Variants in SGMS1 observed in about 807,000 individuals in gnomAD.
The protein encoded by SGMS1 is sphingomyelin synthase 1, also known as phosphatidylcholine:ceramide cholinephosphotransferase 1.
A neutral mutation model predicts 46.2 loss-of-function variants in SGMS1; 13 were observed. The observed-to-expected ratio is 0.28, with a 90% confidence interval of 0.18 to 0.45. SGMS1 has a LOEUF of 0.45. Among genes scored for constraint, SGMS1 ranks in the 20% least tolerant of loss-of-function variants. The pLI is 1.00. For missense variants in SGMS1, 324 were observed against 519.9 expected (o/e 0.62, Z 3.66); for synonymous variants, 203 against 187.8 (o/e 1.08, Z -0.66).
At chr10:50,559,333 C>T (rs1284092039) in intron 2 of SGMS1, among the ~76,000 whole-genome samples, 1 of 152,174 alleles carries the variant, frequency 6.6e-6, no homozygotes. Flanking sequence ...CAGAGGCGTA[C>T]CCTACACTGT....
rs75889601 is a variant in SGMS1 at position 50,458,733 on chromosome 10, G to T, written c.-313+1940C>A. Among the ~76,000 whole-genome samples the T allele has an allele frequency of 7.2e-3, 1,091 of 152,136 alleles. 14 individuals carry two copies. Among genetic ancestry groups the T allele is most frequent in the Non-Finnish European group, 7.9e-3 (535 of 68,000 alleles). On this transcript the variant is annotated intron_variant, in intron 5 of 10. Coordinates refer to ENST00000361781, the MANE Select transcript of SGMS1 (RefSeq NM_147156.4). ...AACCTCAGTGTATTCATCTTTCAGTGAGGTTGACCACATCTATCTCTCAGG... is the reference window on the plus strand; with the variant it reads ...AACCTCAGTGTATTCATCTTTCAGTTAGGTTGACCACATCTATCTCTCAGG...
intron 6 of SGMS1, among the ~76,000 whole-genome samples, chr10:50,347,546 G>C (rs1847935173): frequency 6.6e-6 from 1 of 152,184 alleles, no homozygotes; most frequent in Non-Finnish European, 1.5e-5. Context: ...CTTGGCCTCA[G>C]ACCCAAGGCC....
In SGMS1 at chr10:50,511,368, T is replaced by C. The variant is rs1837753785; in HGVS notation, c.-498+8463A>G. Among the ~76,000 whole-genome samples, 4 of 151,980 alleles carry C rather than the reference T, an allele frequency of 2.6e-5. No individual in the cohort carries two copies. In the South Asian group the frequency reaches 8.3e-4, roughly 32 times the overall value. On this transcript the variant is annotated intron_variant, in intron 3 of 10. Transcript: ENST00000361781. ...CTGGTTAAGACAGTGAGGAAGGTCCTTGTAAGCAAGCCCCATCCTCAGACT... is the reference window on the plus strand; with the variant it reads ...CTGGTTAAGACAGTGAGGAAGGTCCCTGTAAGCAAGCCCCATCCTCAGACT...
intron 6 of SGMS1, among the ~76,000 whole-genome samples, chr10:50,388,824 G>T (rs1376756885): frequency 6.6e-6 from 1 of 152,056 alleles, no homozygotes; most frequent in Non-Finnish European, 1.5e-5. Context: ...AGATGAAAAG[G>T]CATCCATGAT....
intron 5 of SGMS1, among the ~76,000 whole-genome samples, chr10:50,443,708 C>G (rs1013357067): frequency 6.6e-6 from 1 of 151,946 alleles, no homozygotes; most frequent in South Asian, 2.1e-4. Flanking sequence ...AATGAGGAAC[C>G]TTGGAAATAA....
At chr10:50,597,696 C>T (rs896651210) in intron 1 of SGMS1, among the ~76,000 whole-genome samples, 10 of 151,992 alleles carry the variant, frequency 6.6e-5, no homozygotes, top group African/African-American at 1.9e-4. Flanking sequence ...GTGGTGGTTG[C>T]GTGAATTAAT....
intron 5 of SGMS1, among the ~76,000 whole-genome samples, chr10:50,443,886 C>A (rs1849576519): frequency 2.0e-5 from 3 of 151,864 alleles, no homozygotes; most frequent in Admixed American, 2.0e-4. Flanking sequence ...GCAAATGAAA[C>A]CATATTATTG....
chr10:50,341,430 C>T (rs1847819822), intron 7 of SGMS1: 1 of 455,940 alleles, frequency 2.2e-6, no homozygotes, highest in Non-Finnish European at 4.4e-6. Context: ...TCATTTCCCA[C>T]ATCCCTATCC....
chr10:50,422,854 A>G (rs929791718), intron 6 of SGMS1, among the ~76,000 whole-genome samples: 11 of 152,208 alleles, frequency 7.2e-5, no homozygotes, highest in African/African-American at 2.7e-4. Flanking sequence ...CTGTCAAAAG[A>G]GCCGTTACCA....
At chr10:50,337,307 A>G (rs1044169692) in intron 7 of SGMS1, among the ~76,000 whole-genome samples, 3 of 152,210 alleles carry the variant, frequency 2.0e-5, no homozygotes, top group Non-Finnish European at 4.4e-5. Context: ...ATAACTAAAC[A>G]TAAAAATGTT....
intron 3 of SGMS1, among the ~76,000 whole-genome samples, chr10:50,498,301 G>T (rs1837632375): frequency 4.6e-5 from 7 of 152,254 alleles, no homozygotes; most frequent in Admixed American, 4.6e-4. Flanking sequence ...TCTTTTTAAA[G>T]CATTATTTTT....
chr10:50,330,872 G>A (rs925827591), intron 7 of SGMS1, among the ~76,000 whole-genome samples: 3 of 152,110 alleles, frequency 2.0e-5, no homozygotes, highest in South Asian at 4.1e-4. Context: ...ATACATCACT[G>A]AGCTGTATCT....
chr10:50,600,573 C>T (rs888219279), intron 1 of SGMS1, among the ~76,000 whole-genome samples: 7 of 152,204 alleles, frequency 4.6e-5, no homozygotes, highest in African/African-American at 1.7e-4. Flanking sequence ...CAACCATATG[C>T]TTCTCTCCCA....
chr10:50,318,546 G>C (rs1847386032), intron 8 of SGMS1, among the ~76,000 whole-genome samples: 1 of 152,146 alleles, frequency 6.6e-6, no homozygotes, highest in South Asian at 2.1e-4. Flanking sequence ...GTGAAATCTG[G>C]ATGATTCTCC....
intron 3 of SGMS1, among the ~76,000 whole-genome samples, chr10:50,477,942 T>C (rs1239286656): frequency 7.0e-6 from 1 of 143,214 alleles, no homozygotes; most frequent in Non-Finnish European, 1.5e-5. Context: ...AGTAGTTCTT[T>C]ACAGCAGTGT....
intron 6 of SGMS1, among the ~76,000 whole-genome samples, chr10:50,431,936 A>T (rs1433982564): frequency 6.6e-6 from 1 of 152,178 alleles, no homozygotes; most frequent in East Asian, 1.9e-4. Context: ...TGAGTCAACA[A>T]CTCAAGAAAC....
At chr10:50,319,949 C>CT (rs1847413357) in intron 8 of SGMS1, among the ~76,000 whole-genome samples, 1 of 152,172 alleles carries the variant, frequency 6.6e-6, no homozygotes. Context: ...AATTATAATA[C>CT]TTGAATTATT....
chr10:50,440,292 ATT>A (rs1491410448), intron 5 of SGMS1, among the ~76,000 whole-genome samples: 39 of 149,968 alleles, frequency 2.6e-4, no homozygotes, highest in Admixed American at 4.0e-4. Flanking sequence ...ATATATATAT[ATT>A]TTCTTTTAAA....
intron 3 of SGMS1, among the ~76,000 whole-genome samples, chr10:50,476,520 G>A (rs895953098): frequency 3.3e-5 from 5 of 152,186 alleles, no homozygotes; most frequent in Non-Finnish European, 5.9e-5. Flanking sequence ...CAAGCCAGCT[G>A]CAGAAATTTG....
Sources: gnomAD v4.1 joint callset for allele counts (sites outside exome capture counted in the v4.1 genomes callset) on GRCh38, gnomAD v4.1.1 for gene constraint, MANE v1.5 for transcripts, NCBI Gene and HGNC (gene_info 2026-07-23, HGNC 2026-07-21) for gene names.